The following SLC25A12 variants were observed in gnomAD, a reference collection of about 807,000 sequenced individuals.
SLC25A12 encodes electrogenic aspartate/glutamate antiporter SLC25A12, mitochondrial.
Under a neutral mutation model 83.3 loss-of-function variants are expected in SLC25A12, and 32 were observed. The observed-to-expected ratio is 0.38, with a 90% CI of 0.29 to 0.52. The LOEUF is 0.52. SLC25A12 is among the 20% of genes least tolerant of loss of function. The probability of loss-of-function intolerance (pLI) is 0.84; values close to 1 mark genes in which losing one functional copy is unlikely to be tolerated. For missense variants in SLC25A12, 611 were observed against 835.6 expected, an observed-to-expected ratio of 0.73 and a Z score of 3.31; for synonymous variants, 267 against 291.1, an observed-to-expected ratio of 0.92 and a Z score of 0.84.
At chr2:171,824,284 C>T (rs1336303361) in intron 9 of SLC25A12, among the ~76,000 whole-genome samples, 2 of 152,168 alleles carry the variant, frequency 1.3e-5, no homozygotes, top group Non-Finnish European at 2.9e-5. Context: ...AATTACATCA[C>T]TTTCCTAAGG....
intron 8 of SLC25A12, 80 bp from the exon 9 acceptor site, chr2:171,826,962 A>C (rs993753878): frequency 5.0e-6 from 4 of 803,448 alleles, no homozygotes; most frequent in Admixed American, 3.9e-5. Context: ...AAAAAAAAAA[A>C]CAAAAAACAG....
chr2:171,788,096 G>A, intron 15 of SLC25A12, 149 bp from the exon 16 acceptor site: 1 of 729,530 alleles, frequency 1.4e-6, no homozygotes, highest in Non-Finnish European at 2.3e-6. Flanking sequence ...ATGGGAAAAG[G>A]GCATAGAAGC....
intron 4 of SLC25A12, among the ~76,000 whole-genome samples, chr2:171,855,433 T>C (rs1345733777): frequency 1.3e-5 from 2 of 152,202 alleles, no homozygotes; most frequent in African/African-American, 4.8e-5. Context: ...AATGACATAG[T>C]AGCAATTTTC....
Position 171,844,499 on chromosome 2 carries a change from T to C in SLC25A12, c.335A>G (p.Lys112Arg), listed in dbSNP as rs1047272344. The change falls in exon 5 of 18, where the codon AAA becomes AGA. Residue 112 changes from lysine to arginine, a missense_variant. By Grantham distance (26) the Lys-to-Arg change is conservative. Coordinates refer to ENST00000422440, the MANE Select transcript of SLC25A12 (RefSeq NM_003705.5). Reference sequence around the variant, plus strand: ...AATAATAGTCTGTCCAAAAATTTCTTTGACATTTTCTTAAAAGGGAAAACA... The same window carrying C: ...AATAATAGTCTGTCCAAAAATTTCTCTGACATTTTCTTAAAAGGGAAAACA... ...GNGEVTFENV[K>R]EIFGQTIIHH... is the part of the protein sequence containing the mutation. The C allele has an allele frequency of 4.4e-6, 7 of 1,592,488 alleles. No homozygotes were observed. The highest frequency in any genetic ancestry group is 4.3e-6 in the Non-Finnish European group (5 of 1,160,530).
At chr2:171,831,022 C>T (rs770684489) in intron 8 of SLC25A12, among the ~76,000 whole-genome samples, 22 of 152,260 alleles carry the variant, frequency 1.4e-4, no homozygotes, top group Non-Finnish European at 2.8e-4. Flanking sequence ...TGAGCTACCA[C>T]ACAAGTGCAT....
At chr2:171,877,772 G>C (rs753626382) in intron 2 of SLC25A12, among the ~76,000 whole-genome samples, 6 of 151,296 alleles carry the variant, frequency 4.0e-5, no homozygotes, top group Non-Finnish European at 8.8e-5. Context: ...AAGAAAAAAA[G>C]GTTAACTTAA....
At chr2:171,823,855 T>C (rs1684243365) in intron 9 of SLC25A12, among the ~76,000 whole-genome samples, 1 of 151,706 alleles carries the variant, frequency 6.6e-6, no homozygotes, top group Non-Finnish European at 1.5e-5. Flanking sequence ...TTCAGGAGGC[T>C]GAGGTGGAAG....
intron 2 of SLC25A12, among the ~76,000 whole-genome samples, chr2:171,872,274 A>T (rs1456798142): frequency 6.6e-6 from 1 of 152,210 alleles, no homozygotes; most frequent in African/African-American, 2.4e-5. Context: ...AAAGAAAACA[A>T]TAAGTTTCAA....
intron 8 of SLC25A12, among the ~76,000 whole-genome samples, chr2:171,832,577 T>C (rs1165497715): frequency 6.6e-6 from 1 of 152,162 alleles, no homozygotes; most frequent in East Asian, 1.9e-4. Context: ...CAGTCTCTCA[T>C]TATACCTCTA....
At chr2:171,889,002 T>C (rs1202892608) in intron 2 of SLC25A12, among the ~76,000 whole-genome samples, 6 of 152,126 alleles carry the variant, frequency 3.9e-5, no homozygotes, top group Non-Finnish European at 7.4e-5. Context: ...AACAGAATAA[T>C]CTACATTTTA....
At chr2:171,821,228 C>T (rs1684186297) in intron 9 of SLC25A12, among the ~76,000 whole-genome samples, 1 of 151,700 alleles carries the variant, frequency 6.6e-6, no homozygotes, top group South Asian at 2.1e-4. Context: ...GATGGGGATT[C>T]ATCATGTTAG....
chr2:171,884,747 C>T (rs941981784), intron 2 of SLC25A12, among the ~76,000 whole-genome samples: 76 of 151,060 alleles, frequency 5.0e-4, no homozygotes, highest in African/African-American at 1.8e-3. Context: ...TGCACTCCAG[C>T]CTGGGCAACA....
chr2:171,883,380 T>G (rs193145437), intron 2 of SLC25A12, among the ~76,000 whole-genome samples: 239 of 152,318 alleles, frequency 1.6e-3, no homozygotes, highest in Middle Eastern at 6.8e-3. Flanking sequence ...AGGTTTCAAA[T>G]GAGGATTCAA....
intron 4 of SLC25A12, among the ~76,000 whole-genome samples, chr2:171,846,539 G>C (rs1558929300): frequency 6.6e-6 from 1 of 152,074 alleles, no homozygotes; most frequent in Non-Finnish European, 1.5e-5. Flanking sequence ...TGGGCACAGT[G>C]GCTCACACCT....
chr2:171,853,655 T>G (rs1684981782), intron 4 of SLC25A12, among the ~76,000 whole-genome samples: 1 of 151,794 alleles, frequency 6.6e-6, no homozygotes, highest in Non-Finnish European at 1.5e-5. Flanking sequence ...CACTCCAGCC[T>G]GGGTGACAGA....
intron 3 of SLC25A12, among the ~76,000 whole-genome samples, chr2:171,865,380 G>T (rs1685264203): frequency 6.6e-6 from 1 of 151,978 alleles, no homozygotes; most frequent in African/African-American, 2.4e-5. Context: ...ATTTTTAAAG[G>T]CTGGGCATGG....
chr2:171,814,041 T>C (rs977639977), intron 10 of SLC25A12, among the ~76,000 whole-genome samples: 5 of 152,030 alleles, frequency 3.3e-5, no homozygotes, highest in African/African-American at 1.2e-4. Flanking sequence ...TAAAAGAAAA[T>C]ATGGCTATGC....
chr2:171,844,256 T>G (rs1337978997), intron 5 of SLC25A12, 113 bp downstream of exon 5: 8 of 1,123,432 alleles, frequency 7.1e-6, no homozygotes, highest in Non-Finnish European at 1.0e-5. Context: ...ATTTAAAAAA[T>G]AGGAGTGAAA....
rs532883394 is a variant in SLC25A12 at position 171,810,137 on chromosome 2, G to A, written c.1224+87C>T. 8.0e-6 allele frequency: 9 copies of A among 1,131,496 alleles called. No homozygotes were observed. In the East Asian group the frequency reaches 1.9e-4, roughly 24 times the overall value. 70.1% of individuals were successfully genotyped at this position (1,131,496 alleles called of 1,614,324 possible). A position where few individuals can be genotyped will look rare whatever the true frequency, so the allele number is the denominator to read the frequency against. On this transcript the variant is annotated intron_variant, in intron 12 of 17. Coordinates refer to ENST00000422440, the MANE Select transcript of SLC25A12 (RefSeq NM_003705.5). ...CCCAAAATGCTGAGATTATAGGCAT[G>A]AGCTACCACGCCTAGCCTTGATTTT... is the stretch of plus-strand genomic sequence containing the variant.
Sources: gnomAD v4.1 joint callset for allele counts (sites outside exome capture counted in the v4.1 genomes callset) on GRCh38, gnomAD v4.1.1 for gene constraint, MANE v1.5 for transcripts, NCBI Gene and HGNC (gene_info 2026-07-23, HGNC 2026-07-21) for gene names.